PLPPR1: variants seen among roughly 807,000 people sequenced by gnomAD.
The protein encoded by PLPPR1 is phospholipid phosphatase-related protein type 1.
PLPPR1 carries 10 observed loss-of-function variants against 33.1 expected under a neutral mutation model. The observed-to-expected ratio is 0.30, with a 90% CI of 0.19 to 0.51. PLPPR1 has a LOEUF of 0.51. PLPPR1 is among the 20% of genes least tolerant of loss of function. The pLI, the probability that PLPPR1 is intolerant of heterozygous loss-of-function variation, is 0.97. For synonymous variants in PLPPR1, 151 were observed against 151.0 expected, an observed-to-expected ratio of 1.00 and a Z score of 0.00; for missense variants, 304 against 408.1, an observed-to-expected ratio of 0.74 and a Z score of 2.20.
Position 101,036,378 on chromosome 9 carries a change from G to T in PLPPR1, c.-46+7276G>T, listed in dbSNP as rs986544973. Among the ~76,000 whole-genome samples, 5 of 152,090 alleles carry T rather than the reference G, an allele frequency of 3.3e-5. 1 individual carries two copies. Among genetic ancestry groups the T allele is most frequent in the Admixed American group, 3.3e-4 (5 of 15,270 alleles). On this transcript the variant is annotated intron_variant, in intron 1 of 7. Coordinates refer to ENST00000374874, the MANE Select transcript of PLPPR1 (RefSeq NM_207299.2). ...TAAACGTTATATTCACATTGTAAAA[G>T]CAAAGCCAAAAGGATAAGAATAAAA...
intron 5 of PLPPR1, 56 bp downstream of exon 5, chr9:101,309,517 C>G (rs1278006738): frequency 6.4e-7 from 1 of 1,569,062 alleles, no homozygotes; most frequent in African/African-American, 1.4e-5. Flanking sequence ...ATGTGTGTCT[C>G]CCTGCCCTGT....
intron 1 of PLPPR1, among the ~76,000 whole-genome samples, chr9:101,091,186 GT>G (rs751563815): frequency 5.3e-5 from 8 of 152,032 alleles, no homozygotes; most frequent in Non-Finnish European, 1.0e-4. Flanking sequence ...CCCCTCCTAT[GT>G]TTCCTTACAG....
chr9:101,265,050 A>G lies in PLPPR1; in HGVS notation c.64-4830A>G, dbSNP rs545354559. Among the ~76,000 whole-genome samples, 11 of 152,318 alleles carry G rather than the reference A, an allele frequency of 7.2e-5. No individual in the cohort carries two copies. The South Asian group carries it at 1.2e-3, about 17-fold the overall frequency. On this transcript the variant is annotated intron_variant, in intron 2 of 7. Transcript: ENST00000374874. ...TAAATTATTGGTCCACAGTTCCTCC[A>G]GACTTAACAGCCTGTTGGAAAAGGT...
intron 2 of PLPPR1, among the ~76,000 whole-genome samples, chr9:101,256,576 AG>A (rs2118873329): frequency 6.6e-6 from 1 of 152,260 alleles, no homozygotes; most frequent in East Asian, 1.9e-4. Flanking sequence ...CAGAAATTCC[AG>A]GGGTGGTGCT....
chr9:101,240,376 C>T (rs1305583145), intron 2 of PLPPR1, among the ~76,000 whole-genome samples: 1 of 151,944 alleles, frequency 6.6e-6, no homozygotes, highest in East Asian at 1.9e-4. Context: ...CTTGGCTATT[C>T]AGGGTCTTTT....
chr9:101,278,163 T>C (rs1411095543), intron 3 of PLPPR1, among the ~76,000 whole-genome samples: 1 of 152,226 alleles, frequency 6.6e-6, no homozygotes, highest in Non-Finnish European at 1.5e-5. Context: ...TGCAGTGAAA[T>C]TTCCTTAAAA....
intron 1 of PLPPR1, among the ~76,000 whole-genome samples, chr9:101,044,893 A>G (rs1242129550): frequency 6.6e-6 from 1 of 152,198 alleles, no homozygotes; most frequent in Non-Finnish European, 1.5e-5. Flanking sequence ...ACTTAAGGGT[A>G]TTAGGTGTTA....
chr9:101,300,749 C>T (rs1828736857), intron 4 of PLPPR1, among the ~76,000 whole-genome samples: 1 of 152,136 alleles, frequency 6.6e-6, no homozygotes, highest in African/African-American at 2.4e-5. Flanking sequence ...ATTTTTTTCT[C>T]CACATTTAGT....
At chr9:101,198,828 C>G (rs1184129284) in intron 2 of PLPPR1, among the ~76,000 whole-genome samples, 1 of 152,190 alleles carries the variant, frequency 6.6e-6, no homozygotes, top group Non-Finnish European at 1.5e-5. Context: ...AAAAGAGTTT[C>G]AAGGCTGGAG....
At chr9:101,178,127 T>C (rs547291813) in intron 1 of PLPPR1, among the ~76,000 whole-genome samples, 9 of 152,164 alleles carry the variant, frequency 5.9e-5, no homozygotes, top group Non-Finnish European at 1.2e-4. Context: ...ATCAAGTGGA[T>C]AGAATGACCT....
intron 3 of PLPPR1, among the ~76,000 whole-genome samples, chr9:101,284,766 G>C (rs1828362585): frequency 6.6e-6 from 1 of 152,040 alleles, no homozygotes; most frequent in Non-Finnish European, 1.5e-5. Context: ...CATCTAAACA[G>C]ACATTCCAGC....
chr9:101,314,561 C>T (rs1829017847), intron 6 of PLPPR1, among the ~76,000 whole-genome samples: 1 of 150,940 alleles, frequency 6.6e-6, no homozygotes, highest in African/African-American at 2.4e-5. Context: ...GTTATGTTTA[C>T]ATTATTCTGT....
chr9:101,049,145 G>A (rs1830189845), intron 1 of PLPPR1, among the ~76,000 whole-genome samples: 1 of 152,196 alleles, frequency 6.6e-6, no homozygotes, highest in South Asian at 2.1e-4. Flanking sequence ...ACTGCAGACA[G>A]TTGTGTGAAT....
chr9:101,306,783 T>G (rs1023018707), intron 4 of PLPPR1, among the ~76,000 whole-genome samples: 2 of 152,204 alleles, frequency 1.3e-5, no homozygotes, highest in Non-Finnish European at 2.9e-5. Flanking sequence ...TACAGAGACA[T>G]TTTTAAAACA....
intron 3 of PLPPR1, among the ~76,000 whole-genome samples, chr9:101,273,082 T>C (rs1393982445): frequency 6.6e-6 from 1 of 152,214 alleles, no homozygotes; most frequent in Non-Finnish European, 1.5e-5. Flanking sequence ...TGGAACATGT[T>C]TGTAATTTAA....
intron 4 of PLPPR1, among the ~76,000 whole-genome samples, chr9:101,293,899 A>G (rs1206704231): frequency 1.3e-5 from 2 of 151,390 alleles, no homozygotes; most frequent in Admixed American, 6.6e-5. Context: ...AAGAACTAGA[A>G]AAGCAAGAGC....
intron 1 of PLPPR1, among the ~76,000 whole-genome samples, chr9:101,162,483 G>C (rs938503031): frequency 6.6e-6 from 1 of 152,230 alleles, no homozygotes; most frequent in Non-Finnish European, 1.5e-5. Context: ...ATGATTCTGT[G>C]ACTGGCTTTA....
At chr9:101,243,244 T>C (rs1827514396) in intron 2 of PLPPR1, among the ~76,000 whole-genome samples, 1 of 151,838 alleles carries the variant, frequency 6.6e-6, no homozygotes, top group Non-Finnish European at 1.5e-5. Flanking sequence ...CAGTAGGGAG[T>C]TGGGATTTTT....
chr9:101,126,925 A>G (rs1464763269), intron 1 of PLPPR1, among the ~76,000 whole-genome samples: 1 of 152,062 alleles, frequency 6.6e-6, no homozygotes, highest in East Asian at 1.9e-4. Flanking sequence ...TTTTTGTATC[A>G]TCTTTATACG....
Sources: allele counts gnomAD v4.1 joint callset (sites outside exome capture counted in the v4.1 genomes callset), GRCh38; gene constraint gnomAD v4.1.1; transcripts MANE v1.5; gene names NCBI Gene and HGNC (gene_info 2026-07-23, HGNC 2026-07-21).